Variants in EPHA8 observed in about 807,000 individuals in gnomAD.
EPHA8 encodes EPH receptor A8.
A neutral mutation model predicts 103.6 loss-of-function variants in EPHA8; 58 were observed. The observed-to-expected ratio is 0.56, with a 90% CI of 0.45 to 0.70. The LOEUF is 0.70. Ranked by LOEUF, EPHA8 falls within the 30% of genes least tolerant of loss-of-function variation. The pLI, the probability that EPHA8 is intolerant of heterozygous loss-of-function variation, is 0.00. For missense variants in EPHA8, 1,304 were observed against 1,395.2 expected (o/e 0.93, Z 1.04); for synonymous variants, 559 against 572.5 (o/e 0.98, Z 0.34).
intron 2 of EPHA8, among the ~76,000 whole-genome samples, chr1:22,571,494 T>A (rs1640543443): frequency 6.6e-6 from 1 of 152,184 alleles, no homozygotes; most frequent in African/African-American, 2.4e-5. Flanking sequence ...TTCCGCCACC[T>A]TCGAACTGCA....
In EPHA8 at chr1:22,589,076, C is replaced by T. The variant is rs144470390; in HGVS notation, c.1185C>T (p.Ala395=). Reference sequence around the variant, plus strand: ...CCCAGCAGACAAGCCTGGTGCAGGCCAGCCTGCTGGTGGCCAACCTGCTGG... The same window carrying T: ...CCCAGCAGACAAGCCTGGTGCAGGCTAGCCTGCTGGTGGCCAACCTGCTGG... The part of the protein sequence containing the change: ...FVPQQTSLVQ[A]SLLVANLLAH... The change falls in exon 5 of 17, where the codon GCC becomes GCT. Residue 395 remains alanine, a synonymous_variant. Transcript: ENST00000166244. The surrounding 1 kb of genome is among the most constrained non-coding windows in gnomAD (Gnocchi z 4.3). 6.2e-7 allele frequency: 1 copy of T among 1,613,422 alleles called. No homozygotes were observed. The highest frequency in any genetic ancestry group is 8.5e-7 in the Non-Finnish European group (1 of 1,179,744).
rs764376097 is a variant in EPHA8 at position 22,593,595 on chromosome 1, G to A, written c.1512G>A (p.Pro504=). Reference sequence around the variant, plus strand: ...GAGCCACCGTCTCCGGCCTCAAGCCGGGCACCCGCTACGTGTTCCAGGTCC... The same window carrying A: ...GAGCCACCGTCTCCGGCCTCAAGCCAGGCACCCGCTACGTGTTCCAGGTCC... The part of the protein sequence containing the change: ...TTRATVSGLK[P]GTRYVFQVRA... Residue 504 remains proline, a synonymous_variant, in exon 7 of 17, where the codon CCG becomes CCA. Transcript: ENST00000166244. 28 of 1,611,638 alleles carry A rather than the reference G, an allele frequency of 1.7e-5. No individual in the cohort carries two copies. The highest frequency in any genetic ancestry group is 2.7e-5 in the African/African-American group (2 of 74,920).
rs917406838 is a variant in EPHA8, at chr1:22,598,623, A to G, written c.2179-215A>G. Among the ~76,000 whole-genome samples the G allele has an allele frequency of 1.3e-5, 2 of 152,100 alleles. No homozygotes were observed. Among genetic ancestry groups the G allele is most frequent in the African/African-American group, 4.8e-5 (2 of 41,420 alleles). ...CGTTCCACAAAATGGGTAAGCAGTC[A>G]TTGCTGCCCCACGTACCTCGCAGGG... On this transcript the variant is annotated intron_variant, in intron 12 of 16. Coordinates refer to ENST00000166244, the MANE Select transcript of EPHA8 (RefSeq NM_020526.5). The surrounding 1 kb of genome is among the most constrained non-coding windows in gnomAD (Gnocchi z 5.1).
At chr1:22,578,178 GTGTGTGCGTGC>G (rs1640821770) in intron 3 of EPHA8, among the ~76,000 whole-genome samples, 1 of 81,970 alleles carries the variant, frequency 1.2e-5, no homozygotes, top group Non-Finnish European at 2.7e-5. Context: ...ATGTGTGCAT[GTGTGTGCGTGC>G]ATGTGTGTGC....
At chr1:22,596,403 A>G (rs1375660162) in intron 9 of EPHA8, among the ~76,000 whole-genome samples, 1 of 152,216 alleles carries the variant, frequency 6.6e-6, no homozygotes, top group Non-Finnish European at 1.5e-5. Context: ...CTCCCCAGGG[A>G]AGGGCACACA....
intron 16 of EPHA8, 44 bp downstream of exon 16, chr1:22,601,517 G>A (rs753925496): frequency 5.8e-5 from 93 of 1,600,002 alleles, no homozygotes; most frequent in East Asian, 1.8e-4. Flanking sequence ...GTGGGGGCAG[G>A]GGGGGGGACC....
In EPHA8 at chr1:22,569,211, G is replaced by A; in HGVS notation, c.95-78G>A. On this transcript the variant is annotated intron_variant, in intron 1 of 16. Transcript: ENST00000166244. This position sits in a 1 kb window ranked among gnomAD's most constrained non-coding sequence, Gnocchi z 4.5. ...TGCTGGGGGCTGAGTGTGGACCAGT[G>A]TAGCTGGGTCAGGCTGCTCTTGAGG... 1.4e-6 allele frequency: 2 copies of A among 1,444,292 alleles called. No individual in the cohort carries two copies. Among genetic ancestry groups the A allele is most frequent in the Non-Finnish European group, 1.9e-6 (2 of 1,029,008 alleles). 89.5% of individuals were successfully genotyped at this position (1,444,292 alleles called of 1,614,324 possible). A position where few individuals can be genotyped will look rare whatever the true frequency, so the allele number is the denominator to read the frequency against.
intron 3 of EPHA8, among the ~76,000 whole-genome samples, chr1:22,585,856 C>T (rs1261240057): frequency 6.6e-6 from 1 of 152,172 alleles, no homozygotes; most frequent in African/African-American, 2.4e-5. Context: ...CCCCAGGTAC[C>T]GGCCCTGGCT....
chr1:22,594,991 G>A (rs184344119), intron 7 of EPHA8, among the ~76,000 whole-genome samples: 4 of 152,290 alleles, frequency 2.6e-5, no homozygotes, highest in African/African-American at 9.6e-5. Context: ...AAGAAGCAGC[G>A]GCACCAGCAT....
rs112155404 is a variant in EPHA8, at chr1:22,581,388, A to G, written c.823+4508A>G. Among the ~76,000 whole-genome samples, 661 of 152,336 alleles carry G rather than the reference A, an allele frequency of 4.3e-3. 8 individuals carry two copies. Among genetic ancestry groups the G allele is most frequent in the African/African-American group, 0.014 (580 of 41,570 alleles). ...CTGGATTTAGCCAGCGAGTACAAATATGCCAATTATTTGTCCCAGGTGAAC... is the reference window on the plus strand; with the variant it reads ...CTGGATTTAGCCAGCGAGTACAAATGTGCCAATTATTTGTCCCAGGTGAAC... On this transcript the variant is annotated intron_variant, in intron 3 of 16. Transcript: ENST00000166244.
Position 22,570,248 on chromosome 1 carries a change from GCACA to G in EPHA8, c.159+901_159+904del, listed in dbSNP as rs369837509. Among the ~76,000 whole-genome samples the G allele has an allele frequency of 9.1e-3, 1,391 of 152,098 alleles. 19 individuals carry two copies. The highest frequency in any genetic ancestry group is 0.032 in the African/African-American group (1,322 of 41,506). On this transcript the variant is annotated intron_variant, in intron 2 of 16. Coordinates refer to ENST00000166244, the MANE Select transcript of EPHA8 (RefSeq NM_020526.5). ...CCAGCGTGCTCAGAAACACACACAT[GCACA>G]CACACGCACGCATGTACACACACAT... is the stretch of plus-strand genomic sequence containing the variant.
At position 22,598,001 on chromosome 1, in the gene EPHA8, C is replaced by A; in HGVS notation, c.2116+140C>A. The A allele has an allele frequency of 7.0e-7, 1 of 1,432,054 alleles. No homozygotes were observed. The highest frequency in any genetic ancestry group is 9.7e-7 in the Non-Finnish European group (1 of 1,031,368). 88.7% of individuals were successfully genotyped at this position (1,432,054 alleles called of 1,614,324 possible). On this transcript the variant is annotated intron_variant, in intron 11 of 16. Transcript: ENST00000166244. The surrounding 1 kb of genome is among the most constrained non-coding windows in gnomAD (Gnocchi z 5.1). ...TCAGGTCCCTGAATGACTCGGGGTGCCCAGAGCCTGGGACCCCAGTGGAAA... is the reference window on the plus strand; with the variant it reads ...TCAGGTCCCTGAATGACTCGGGGTGACCAGAGCCTGGGACCCCAGTGGAAA...
In EPHA8 at chr1:22,593,319, G is replaced by T; in HGVS notation, c.1316-7G>T. 1 of 1,555,932 alleles carries T rather than the reference G, an allele frequency of 6.4e-7. No individual in the cohort carries two copies. Among genetic ancestry groups the T allele is most frequent in the Non-Finnish European group, 8.7e-7 (1 of 1,147,958 alleles). ...CTCCGCCCATCTGACGGGATTGGCC[G>T]CCCCAGCCCCGTCCCAGGTGGTGGT... is the stretch of plus-strand genomic sequence containing the variant. On this transcript the variant is annotated splice_polypyrimidine_tract_variant and splice_region_variant and intron_variant, in intron 5 of 16. Coordinates refer to ENST00000166244, the MANE Select transcript of EPHA8 (RefSeq NM_020526.5).
intron 7 of EPHA8, among the ~76,000 whole-genome samples, chr1:22,594,618 C>T (rs949437571): frequency 4.6e-5 from 7 of 152,224 alleles, no homozygotes; most frequent in African/African-American, 1.7e-4. Flanking sequence ...CCTGTATGTG[C>T]ACCCACTGCG....
intron 3 of EPHA8, among the ~76,000 whole-genome samples, chr1:22,584,848 G>A (rs1641143990): frequency 6.6e-6 from 1 of 152,146 alleles, no homozygotes; most frequent in Non-Finnish European, 1.5e-5. Context: ...GCTAGCACTG[G>A]ACCAGGTTCT....
intron 5 of EPHA8, among the ~76,000 whole-genome samples, chr1:22,590,396 C>T (rs1021749998): frequency 1.3e-5 from 2 of 152,192 alleles, no homozygotes; most frequent in Admixed American, 6.5e-5. Flanking sequence ...TCTTCCCATA[C>T]GACCCTCTCT....
intron 3 of EPHA8, among the ~76,000 whole-genome samples, chr1:22,583,350 C>T (rs1321743755): frequency 2.0e-5 from 3 of 152,220 alleles, no homozygotes; most frequent in African/African-American, 7.2e-5. Flanking sequence ...CTGGCCTTGA[C>T]ACATTATAGC....
At chr1:22,581,524 A>G (rs1557564994) in intron 3 of EPHA8, among the ~76,000 whole-genome samples, 1 of 152,210 alleles carries the variant, frequency 6.6e-6, no homozygotes, top group East Asian at 1.9e-4. Context: ...AGAAGAGGGA[A>G]GCGGAGCCCA....
At chr1:22,595,191 C>A in intron 7 of EPHA8, 39 bp from the exon 8 acceptor site, 1 of 1,555,524 alleles carries the variant, frequency 6.4e-7, no homozygotes. Flanking sequence ...AAGGCCAGGG[C>A]TGAGAGCCTG....
Sources: gnomAD v4.1 joint callset for allele counts (sites outside exome capture counted in the v4.1 genomes callset) on GRCh38, gnomAD v4.1.1 for gene constraint, Gnocchi (gnomAD v3.1) non-coding constraint, MANE v1.5 for transcripts, NCBI Gene and HGNC (gene_info 2026-07-23, HGNC 2026-07-21) for gene names.